The following FARP1 variants were observed in gnomAD, a reference collection of about 807,000 sequenced individuals.
The protein encoded by FARP1 is FERM, ARHGEF and pleckstrin domain-containing protein 1.
A neutral mutation model predicts 128.8 loss-of-function variants in FARP1; 52 were observed. The ratio of observed to expected loss-of-function variants is 0.40; its 90% CI spans 0.32 to 0.51. The LOEUF (loss-of-function observed/expected upper bound fraction) is 0.51. Ranked by LOEUF, FARP1 falls within the 20% of genes least tolerant of loss-of-function variation. The pLI, the probability that FARP1 is intolerant of heterozygous loss-of-function variation, is 0.45. For synonymous variants in FARP1, 580 were observed against 551.8 expected, an observed-to-expected ratio of 1.05 and a Z score of -0.72; for missense variants, 1,333 against 1,367.9, an observed-to-expected ratio of 0.97 and a Z score of 0.40.
At chr13:98,362,204 C>T (rs1021229066) in intron 3 of FARP1, among the ~76,000 whole-genome samples, 4 of 152,162 alleles carry the variant, frequency 2.6e-5, no homozygotes, top group Admixed American at 1.3e-4. Context: ...GTTGAGGCTG[C>T]GCCACTGCAC....
intron 1 of FARP1, among the ~76,000 whole-genome samples, chr13:98,166,996 G>T (rs1284419942): frequency 1.3e-5 from 2 of 152,016 alleles, no homozygotes; most frequent in African/African-American, 4.8e-5. Context: ...CAAAGTTCTG[G>T]GATTACAGGC....
chr13:98,420,324 G>A (rs1048964017), intron 16 of FARP1, among the ~76,000 whole-genome samples: 1 of 152,138 alleles, frequency 6.6e-6, no homozygotes, highest in Non-Finnish European at 1.5e-5. Flanking sequence ...TCCTCTTAGG[G>A]GGGTGATGGG....
At chr13:98,375,785 C>T (rs1280277987) in intron 5 of FARP1, among the ~76,000 whole-genome samples, 1 of 152,102 alleles carries the variant, frequency 6.6e-6, no homozygotes, top group African/African-American at 2.4e-5. Flanking sequence ...CGCATCACCA[C>T]ACCCGGCTAA....
intron 2 of FARP1, among the ~76,000 whole-genome samples, chr13:98,221,575 C>G (rs142069263): frequency 1.3e-5 from 2 of 152,226 alleles, no homozygotes; most frequent in Non-Finnish European, 2.9e-5. Context: ...TGTGGACTTA[C>G]GTGCAGCTTC....
In FARP1 at chr13:98,448,640, A is replaced by T; in HGVS notation, c.*323A>T. 3.9e-6 allele frequency: 1 copy of T among 256,854 alleles called. No individual in the cohort carries two copies. Among genetic ancestry groups the T allele is most frequent in the Admixed American group, 5.2e-5 (1 of 19,368 alleles). The allele number at this position is 256,854 out of a possible 1,614,324, so 15.9% of individuals were successfully genotyped here. On this transcript the variant is annotated 3_prime_UTR_variant, in exon 27 of 27. Transcript: ENST00000319562. ...AAAAACAGTACACACACATCCGTTC[A>T]ACACAAGACAGGGCAAGTGTTTTTC...
At chr13:98,410,968 A>G in intron 15 of FARP1, 145 bp downstream of exon 15, 1 of 500,482 alleles carries the variant, frequency 2.0e-6, no homozygotes. Flanking sequence ...TAGAAATTAA[A>G]TGCTAATAGT....
chr13:98,185,942 C>T (rs1225262093), intron 1 of FARP1, among the ~76,000 whole-genome samples: 3 of 152,166 alleles, frequency 2.0e-5, no homozygotes, highest in Admixed American at 6.5e-5. Context: ...AGGTGATCCG[C>T]CTGCCTCGGC....
chr13:98,217,602 G>A (rs564802048), intron 2 of FARP1, among the ~76,000 whole-genome samples: 2 of 152,362 alleles, frequency 1.3e-5, no homozygotes, highest in East Asian at 1.9e-4. Flanking sequence ...GGGAGCCTGG[G>A]AGAGAGCAAT....
chr13:98,265,311 ATTTTTTTTTTTT>A (rs60809416), intron 2 of FARP1, among the ~76,000 whole-genome samples: 1 of 60,252 alleles, frequency 1.7e-5, no homozygotes, highest in South Asian at 9.5e-4. Context: ...TCCTTCCTGA[ATTTTTTTTTTTT>A]TTTTTTTTTT....
At chr13:98,276,882 G>T (rs1049936090) in intron 2 of FARP1, among the ~76,000 whole-genome samples, 1 of 140,284 alleles carries the variant, frequency 7.1e-6, no homozygotes, top group African/African-American at 2.8e-5. Context: ...TGGGTGGGGT[G>T]GGAGGAAGGT....
chr13:98,313,242 T>TACACACACAC (rs71111943), intron 2 of FARP1, among the ~76,000 whole-genome samples: 4,550 of 119,932 alleles, frequency 0.038, 186 homozygotes, highest in Admixed American at 0.061. Flanking sequence ...TGGGTCATAA[T>TACACACACAC]ACACACACAC....
In FARP1 at chr13:98,165,203, A is replaced by G. The variant is rs561686431; in HGVS notation, c.-24+21711A>G. Reference sequence around the variant, plus strand: ...GCACTCCAGCCTGGGTGACAAAGCCAGACTCTGTCTCAAAAAAAAAAAAAA... The same window carrying G: ...GCACTCCAGCCTGGGTGACAAAGCCGGACTCTGTCTCAAAAAAAAAAAAAA... On this transcript the variant is annotated intron_variant, in intron 1 of 26. Coordinates refer to ENST00000319562, the MANE Select transcript of FARP1 (RefSeq NM_005766.4). 1.8e-4 allele frequency among the ~76,000 whole-genome samples: 22 copies of G among 121,556 alleles called. No individual in the cohort carries two copies. In the South Asian group the frequency reaches 5.5e-3, roughly 30 times the overall value. The allele number at this position is 121,556 out of a possible 152,430, so 79.7% of individuals were successfully genotyped here.
chr13:98,277,148 A>ACACACACACACACACACACACACAC (rs372627844), intron 2 of FARP1, among the ~76,000 whole-genome samples: 2 of 138,580 alleles, frequency 1.4e-5, no homozygotes, highest in East Asian at 2.0e-4. Context: ...ACACACACAC[A>ACACACACACACACACACACACACAC]CCCCATATGT....
chr13:98,244,505 C>A (rs1470017742), intron 2 of FARP1: 1 of 1,614,114 alleles, frequency 6.2e-7, no homozygotes, highest in Non-Finnish European at 8.5e-7. Flanking sequence ...TGTCCTCATC[C>A]TCCTTCCTCA....
At chr13:98,260,598 A>G (rs1883830670) in intron 2 of FARP1, among the ~76,000 whole-genome samples, 2 of 152,160 alleles carry the variant, frequency 1.3e-5, no homozygotes, top group South Asian at 4.1e-4. Context: ...GCCCACGAGC[A>G]CTTGCTTTAT....
intron 2 of FARP1, among the ~76,000 whole-genome samples, chr13:98,214,690 T>C (rs1022936046): frequency 3.9e-5 from 6 of 152,210 alleles, no homozygotes; most frequent in African/African-American, 1.4e-4. Context: ...ACCACCAATT[T>C]ATTGCGCACT....
intron 2 of FARP1, among the ~76,000 whole-genome samples, chr13:98,246,889 G>A (rs1462890240): frequency 5.3e-5 from 8 of 152,070 alleles, no homozygotes; most frequent in Non-Finnish European, 1.0e-4. Context: ...GCATACAACC[G>A]TCTACACAGA....
chr13:98,164,335 T>C (rs1238443157), intron 1 of FARP1, among the ~76,000 whole-genome samples: 1 of 152,094 alleles, frequency 6.6e-6, no homozygotes, highest in Non-Finnish European at 1.5e-5. Flanking sequence ...CAGGGCAGCA[T>C]TTCAGGAACT....
intron 2 of FARP1, chr13:98,329,138 TGCAA>T (rs1887372111): frequency 6.6e-6 from 1 of 152,268 alleles, no homozygotes; most frequent in Non-Finnish European, 1.5e-5. Context: ...ACGTTCATTC[TGCAA>T]GTTTAAACTT....
Sources: gnomAD v4.1 joint callset for allele counts (sites outside exome capture counted in the v4.1 genomes callset) on GRCh38, gnomAD v4.1.1 for gene constraint, MANE v1.5 for transcripts, NCBI Gene and HGNC (gene_info 2026-07-23, HGNC 2026-07-21) for gene names.